ASIC2: variants seen among roughly 807,000 people sequenced by gnomAD.
ASIC2 encodes the protein acid sensing ion channel subunit 2.
Under a neutral mutation model 57.3 loss-of-function variants are expected in ASIC2, and 25 were observed. The observed-to-expected ratio is 0.44, with a 90% CI of 0.32 to 0.61. The LOEUF is 0.61. Among genes scored for constraint, ASIC2 ranks in the 20% least tolerant of loss-of-function variants. The pLI is 0.06. For synonymous variants in ASIC2, 319 were observed against 307.5 expected, an observed-to-expected ratio of 1.04 and a Z score of -0.39; for missense variants, 641 against 738.1, an observed-to-expected ratio of 0.87 and a Z score of 1.52.
intron 1 of ASIC2, among the ~76,000 whole-genome samples, chr17:33,413,525 C>T (rs534230602): frequency 6.6e-5 from 10 of 152,344 alleles, no homozygotes; most frequent in East Asian, 1.9e-4. Context: ...ACCAGGACTA[C>T]GCTGATAGCC....
chr17:33,294,619 A>AC (rs1491195983), upstream of ASIC2, among the ~76,000 whole-genome samples: 1 of 151,834 alleles, frequency 6.6e-6, no homozygotes, highest in African/African-American at 2.4e-5. Flanking sequence ...ACATATACAC[A>AC]AACACACACA....
At chr17:33,213,343 G>A (rs1337158690) in intron 1 of ASIC2, among the ~76,000 whole-genome samples, 1 of 152,230 alleles carries the variant, frequency 6.6e-6, no homozygotes, top group African/African-American at 2.4e-5. Context: ...CTGAAGATGA[G>A]CTTGCAGGAA....
intron 1 of ASIC2, among the ~76,000 whole-genome samples, chr17:34,135,912 T>C (rs1389604857): frequency 6.6e-6 from 1 of 152,136 alleles, no homozygotes. Flanking sequence ...GGTCATGTCA[T>C]TGAGAATGCT....
intron 1 of ASIC2, among the ~76,000 whole-genome samples, chr17:33,971,292 C>T (rs1905222602): frequency 6.6e-6 from 1 of 152,040 alleles, no homozygotes; most frequent in East Asian, 1.9e-4. Context: ...GATAAAACAC[C>T]AAGCAGAAGC....
At chr17:33,644,518 A>G (rs575246913) in intron 1 of ASIC2, among the ~76,000 whole-genome samples, 1 of 152,308 alleles carries the variant, frequency 6.6e-6, no homozygotes, top group East Asian at 1.9e-4. Context: ...GCCATTGTAC[A>G]CTTCTTAAAA....
intron 1 of ASIC2, among the ~76,000 whole-genome samples, chr17:33,785,319 T>A (rs1911570334): frequency 6.6e-6 from 1 of 152,134 alleles, no homozygotes; most frequent in Non-Finnish European, 1.5e-5. Context: ...TGTGAGGAAA[T>A]CAATTTCTGT....
intron 4 of ASIC2, 75 bp from the exon 5 acceptor site, chr17:33,026,057 CT>C: frequency 6.5e-7 from 1 of 1,549,336 alleles, no homozygotes. Context: ...CTGCTTTGGG[CT>C]TAGGGAAAGG....
In ASIC2 at chr17:33,770,354, A is replaced by AGTT. The variant is rs1399665058; in HGVS notation, c.555+385621_555+385623dup. Among the ~76,000 whole-genome samples the AGTT allele has an allele frequency of 3.9e-5, 6 of 152,350 alleles. No homozygotes were observed. In the East Asian group the frequency reaches 1.2e-3, roughly 29 times the overall value. On this transcript the variant is annotated intron_variant, in intron 1 of 9. Transcript: ENST00000359872. The stretch of plus-strand genomic sequence containing the variant: ...TGTAAAGCGAAAGCTGGCCTCATAC[A>AGTT]GTTGGTGTAAACATTTAATGGAGGA...
chr17:33,473,364 T>C (rs887172357), intron 1 of ASIC2, among the ~76,000 whole-genome samples: 1 of 152,204 alleles, frequency 6.6e-6, no homozygotes, highest in South Asian at 2.1e-4. Context: ...CAGTGACATT[T>C]ATTCCTGAGA....
chr17:33,798,482 C>T (rs555645856), intron 1 of ASIC2, among the ~76,000 whole-genome samples: 1 of 152,240 alleles, frequency 6.6e-6, no homozygotes, highest in Admixed American at 6.5e-5. Context: ...AAGCACAGAT[C>T]AAAGCCATCA....
At chr17:33,988,940 C>T (rs1331437287) in intron 1 of ASIC2, among the ~76,000 whole-genome samples, 2 of 152,028 alleles carry the variant, frequency 1.3e-5, no homozygotes, top group Non-Finnish European at 2.9e-5. Flanking sequence ...AAACTTTGCC[C>T]CAAATTGTTC....
At chr17:33,581,304 A>G (rs1242013463) in intron 1 of ASIC2, 2 of 152,218 alleles carry the variant, frequency 1.3e-5, no homozygotes, top group African/African-American at 2.4e-5. Flanking sequence ...GCTCAGTCCT[A>G]CAGCTGCATG....
intron 1 of ASIC2, among the ~76,000 whole-genome samples, chr17:34,129,465 A>T (rs546494789): frequency 6.6e-6 from 1 of 152,292 alleles, no homozygotes; most frequent in African/African-American, 2.4e-5. Context: ...TGATATACAC[A>T]CACATACCAC....
intron 1 of ASIC2, among the ~76,000 whole-genome samples, chr17:33,253,661 T>A (rs1271901928): frequency 6.6e-6 from 1 of 152,208 alleles, no homozygotes; most frequent in Non-Finnish European, 1.5e-5. Context: ...GAAGGAGGAT[T>A]TGCAGGTATG....
intron 1 of ASIC2, among the ~76,000 whole-genome samples, chr17:34,056,546 A>G (rs986403207): frequency 6.6e-6 from 1 of 152,188 alleles, no homozygotes; most frequent in Non-Finnish European, 1.5e-5. Context: ...AGTACAATGG[A>G]AACAACTCAG....
At chr17:33,805,002 C>A (rs1461290285) in intron 1 of ASIC2, among the ~76,000 whole-genome samples, 2 of 152,068 alleles carry the variant, frequency 1.3e-5, no homozygotes, top group Admixed American at 1.3e-4. Context: ...TTAAAACTCC[C>A]TGCTCATCCC....
chr17:33,469,512 G>A (rs1382840109), intron 1 of ASIC2, among the ~76,000 whole-genome samples: 1 of 152,172 alleles, frequency 6.6e-6, no homozygotes, highest in Non-Finnish European at 1.5e-5. Flanking sequence ...CGGAGGTACA[G>A]GCAGGAACTC....
chr17:33,470,447 G>A (rs916258651), intron 1 of ASIC2, among the ~76,000 whole-genome samples: 7 of 151,446 alleles, frequency 4.6e-5, no homozygotes, highest in African/African-American at 7.3e-5. Flanking sequence ...CCATTTCCTC[G>A]CTTTAGCAGG....
chr17:33,459,522 C>T (rs1035014800), intron 1 of ASIC2, among the ~76,000 whole-genome samples: 3 of 152,196 alleles, frequency 2.0e-5, no homozygotes, highest in African/African-American at 4.8e-5. Context: ...CTCTGCATAA[C>T]GAGAGGCTCA....
Sources: gnomAD v4.1 joint callset for allele counts (sites outside exome capture counted in the v4.1 genomes callset) on GRCh38, gnomAD v4.1.1 for gene constraint, MANE v1.5 for transcripts, NCBI Gene and HGNC (gene_info 2026-07-23, HGNC 2026-07-21) for gene names.